The following DNHD1 variants were observed in gnomAD, a reference collection of about 807,000 sequenced individuals.
DNHD1 encodes the protein dynein heavy chain domain 1, also known as dynein heavy chain domain-containing protein 1.
Under a neutral mutation model 458.1 loss-of-function variants are expected in DNHD1, and 383 were observed. That is an observed-to-expected ratio of 0.84 (90% CI 0.77 to 0.91). The LOEUF is 0.91. DNHD1 is among the 40% of genes least tolerant of loss of function. The pLI is 0.00. For missense variants in DNHD1, 5,336 were observed against 5,866.1 expected (o/e 0.91, Z 2.95); for synonymous variants, 2,203 against 2,376.9 (o/e 0.93, Z 2.13).
chr11:6,547,827 C>T lies in DNHD1; in HGVS notation c.6728-36C>T, dbSNP rs563619313. On this transcript the variant is annotated intron_variant, in intron 21 of 42. Transcript: ENST00000254579. ...TTCTTTCACCTTCCACCTTTTTCTA[C>T]TGGGGCTCCTCTCGTGGCCATGGCA... is the stretch of plus-strand genomic sequence containing the variant. The T allele has an allele frequency of 3.9e-6, 6 of 1,548,316 alleles. 1 individual carries two copies. The African/African-American group carries it at 8.2e-5, about 21-fold the overall frequency.
At chr11:6,561,039 C>G (rs547551628) in intron 28 of DNHD1, among the ~76,000 whole-genome samples, 1 of 152,216 alleles carries the variant, frequency 6.6e-6, no homozygotes, top group South Asian at 2.1e-4. Flanking sequence ...GTTAGGGAGA[C>G]TTCCCTAACC....
intron 12 of DNHD1, among the ~76,000 whole-genome samples, chr11:6,532,677 C>T (rs550767269): frequency 1.7e-4 from 26 of 152,150 alleles, no homozygotes; most frequent in Non-Finnish European, 3.1e-4. Flanking sequence ...GGATACCCCC[C>T]GGCACCCCCA....
intron 33 of DNHD1, 98 bp downstream of exon 33, chr11:6,566,089 C>A: frequency 6.9e-7 from 1 of 1,457,050 alleles, no homozygotes. Context: ...CAGTTCCCAT[C>A]CTTCATCCCA....
At chr11:6,509,731 G>A (rs967426183) in intron 6 of DNHD1, among the ~76,000 whole-genome samples, 21 of 151,814 alleles carry the variant, frequency 1.4e-4, no homozygotes, top group Non-Finnish European at 5.9e-5. Context: ...GAAAAGGTTG[G>A]TTATTCCTAT....
chr11:6,566,243 C>T lies in DNHD1; in HGVS notation c.11056C>T (p.Leu3686=), dbSNP rs1853693006. Reference sequence around the variant, plus strand: ...GTGCCTTTGCCTCCCTCTCACAGGCCTGCCTGTGTTACTGACCAATGTGGA... The same window carrying T: ...GTGCCTTTGCCTCCCTCTCACAGGCTTGCCTGTGTTACTGACCAATGTGGA... ...SQLQEAAACG[L]PVLLTNVELG... is the part of the protein sequence containing the mutation. The change falls in exon 34 of 43, where the codon CTG becomes TTG. Residue 3686 remains leucine (L), a splice_region_variant and synonymous_variant. Transcript: ENST00000254579. 4 of 1,551,440 alleles carry T rather than the reference C, an allele frequency of 2.6e-6. No homozygotes were observed. The highest frequency in any genetic ancestry group is 3.5e-6 in the Non-Finnish European group (4 of 1,146,844).
Position 6,547,344 on chromosome 11 carries a change from C to T in DNHD1, c.6405C>T (p.Ser2135=). The T allele has an allele frequency of 1.3e-6, 2 of 1,551,788 alleles. No individual in the cohort carries two copies. Among genetic ancestry groups the T allele is most frequent in the East Asian group, 2.4e-5 (1 of 40,920 alleles). The change falls in exon 21 of 43, where the codon TCC becomes TCT. Residue 2135 remains serine, a synonymous_variant. Transcript: ENST00000254579. ...AGGTGGCTGACACAACAGGCATATC[C>T]CCCACAGTGGTAGGCTGTTGTGCCC... is the stretch of plus-strand genomic sequence containing the variant. The part of the protein sequence containing the change: ...LMEVADTTGI[S]PTVVGCCALV...
chr11:6,556,755 G>A lies in DNHD1; in HGVS notation c.7460G>A (p.Ser2487Asn). 1 of 1,551,616 alleles carries A rather than the reference G, an allele frequency of 6.4e-7. No homozygotes were observed. The highest frequency in any genetic ancestry group is 8.7e-7 in the Non-Finnish European group (1 of 1,146,932). Reference sequence around the variant, plus strand: ...ATGGATGGCACTGTGTATGCCCACAGCACCTTGGAACTGCAGACGCTGCAG... The same window carrying A: ...ATGGATGGCACTGTGTATGCCCACAACACCTTGGAACTGCAGACGCTGCAG... ...QAMDGTVYAH[S>N]TLELQTLQPT... Residue 2487 changes from serine (S) to asparagine (N), a missense_variant, in exon 25 of 43, where the codon AGC becomes AAC. Around this residue, in one of 4 missense-constraint regions of DNHD1, gnomAD observed 3,932 missense variants for 4,365.6 expected, o/e 0.90. Coordinates refer to ENST00000254579, the MANE Select transcript of DNHD1 (RefSeq NM_144666.3).
At chr11:6,524,045 G>A (rs1471996848) in intron 10 of DNHD1, among the ~76,000 whole-genome samples, 1 of 152,196 alleles carries the variant, frequency 6.6e-6, no homozygotes, top group African/African-American at 2.4e-5. Flanking sequence ...CCTTGGCTAT[G>A]AAGTTAGTGA....
intron 10 of DNHD1, 182 bp downstream of exon 10, chr11:6,520,471 T>C: frequency 1.4e-6 from 2 of 1,444,314 alleles, no homozygotes; most frequent in East Asian, 5.0e-5. Context: ...GGGAATGTTT[T>C]TGCTCACAAA....
chr11:6,521,205 A>G (rs1393587153), intron 10 of DNHD1, among the ~76,000 whole-genome samples: 1 of 152,250 alleles, frequency 6.6e-6, no homozygotes, highest in Non-Finnish European at 1.5e-5. Context: ...TAAAAGAGAT[A>G]ATATGTCTAG....
At position 6,546,821 on chromosome 11, in the gene DNHD1, A is replaced by C. The variant is rs1461774941; in HGVS notation, c.5882A>C (p.Gln1961Pro). Residue 1961 changes from glutamine to proline, a missense_variant, in exon 21 of 43, where the codon CAA (glutamine) becomes CCA (proline). Gln to Pro is a moderately conservative substitution (Grantham distance 76, BLOSUM62 -1). Transcript: ENST00000254579. ...AAGCCATTGGTGGTGGAGGAACTGC[A>C]ACAGGTAGGTCTGGATCCCAGCCCT... ...LMKPLVVEELQQVGLDPSPDI... is the reference protein window; with the variant it reads ...LMKPLVVEELPQVGLDPSPDI... The C allele has an allele frequency of 1.3e-6, 2 of 1,551,750 alleles. No homozygotes were observed. The highest frequency in any genetic ancestry group is 1.7e-6 in the Non-Finnish European group (2 of 1,147,036).
chr11:6,558,540 C>A lies in DNHD1; in HGVS notation c.9058C>A (p.Gln3020Lys), dbSNP rs917207988. Reference sequence around the variant, plus strand: ...CCTGTTCTTCCTGATTGGAGATAAACAGGCCCACAAGCAGCTGCCCTCCAC... The same window carrying A: ...CCTGTTCTTCCTGATTGGAGATAAAAAGGCCCACAAGCAGCTGCCCTCCAC... ...LHLFFLIGDK[Q>K]AHKQLPSTLF... The change falls in exon 26 of 43, where the codon CAG becomes AAG. Residue 3020 changes from glutamine (Q) to lysine (K), a missense_variant. By Grantham distance (53) the Gln-to-Lys change is moderately conservative. Transcript: ENST00000254579. The A allele has an allele frequency of 2.6e-6, 4 of 1,551,614 alleles. No individual in the cohort carries two copies. Among genetic ancestry groups the A allele is most frequent in the Non-Finnish European group, 3.5e-6 (4 of 1,147,008 alleles).
At position 6,564,363 on chromosome 11, in the gene DNHD1, G is replaced by C; in HGVS notation, c.10315G>C (p.Gly3439Arg). ...KLKGRCMTVF[G>R]DTLLCSAAII... The stretch of plus-strand genomic sequence containing the variant: ...GAAGGGACGCTGCATGACTGTGTTT[G>C]GAGATACCCTCCTATGTTCAGCTGC... Residue 3439 changes from glycine (G) to arginine (R), a missense_variant, in exon 32 of 43, where the codon GGA (glycine) becomes CGA (arginine). Coordinates refer to ENST00000254579, the MANE Select transcript of DNHD1 (RefSeq NM_144666.3). 1 of 1,548,414 alleles carries C rather than the reference G, an allele frequency of 6.5e-7. No individual in the cohort carries two copies. Among genetic ancestry groups the C allele is most frequent in the South Asian group, 1.2e-5 (1 of 83,814 alleles).
In DNHD1 at chr11:6,570,337, G is replaced by A; in HGVS notation, c.13046G>A (p.Gly4349Glu). ...CAAGCCTGCCTGAGCCCCAGTAGTG[G>A]GAGCTGGGTCCAGCCACACACACCT... ...LTQACLSPSS[G>E]SWVQPHTPQS... The change falls in exon 41 of 43, where the codon GGG becomes GAG. Residue 4349 changes from glycine (G) to glutamate (E), a missense_variant. Gly to Glu is a moderately conservative substitution (Grantham distance 98). Coordinates refer to ENST00000254579, the MANE Select transcript of DNHD1 (RefSeq NM_144666.3). 6.2e-7 allele frequency: 1 copy of A among 1,612,718 alleles called. No individual in the cohort carries two copies. Among genetic ancestry groups the A allele is most frequent in the Non-Finnish European group, 8.5e-7 (1 of 1,179,394 alleles).
Position 6,557,495 on chromosome 11 carries a change from T to A in DNHD1, c.8200T>A (p.Tyr2734Asn), listed in dbSNP as rs1237481130. Residue 2734 changes from tyrosine (Y) to asparagine (N), a missense_variant, in exon 25 of 43, where the codon TAT becomes AAT. Physicochemically the swap from Tyr to Asn is moderately radical, Grantham distance 143. This residue lies in a region of DNHD1 where 3,932 missense variants were observed against 4,365.6 expected (regional missense o/e 0.90). Coordinates refer to ENST00000254579, the MANE Select transcript of DNHD1 (RefSeq NM_144666.3). Reference sequence around the variant, plus strand: ...TGAAACAGAGGAGGAAGAGGAACCTTATGGCCTTCAGGTCGCCAGAGTCTC... The same window carrying A: ...TGAAACAGAGGAGGAAGAGGAACCTAATGGCCTTCAGGTCGCCAGAGTCTC... ...NSETEEEEEP[Y>N]GLQVARVSNS... 1.3e-6 allele frequency: 2 copies of A among 1,551,658 alleles called. No individual in the cohort carries two copies. Among genetic ancestry groups the A allele is most frequent in the South Asian group, 2.4e-5 (2 of 84,058 alleles).
rs1177639353 is a variant in DNHD1 at position 6,545,698 on chromosome 11, C to CT, written c.4760dup (p.Leu1588AlafsTer8). The CT allele has an allele frequency of 4.5e-6, 7 of 1,551,602 alleles. No homozygotes were observed. The highest frequency in any genetic ancestry group is 6.1e-6 in the Non-Finnish European group (7 of 1,147,022). ...AGTGACTCACCGGGATATAGCACAG[C>CT]TGCTGGAACAGCACCAGGTCAGTGA... On this transcript the variant is annotated frameshift_variant, in exon 21 of 43. Coordinates refer to ENST00000254579, the MANE Select transcript of DNHD1 (RefSeq NM_144666.3). This position sits in a 1 kb window ranked among gnomAD's most constrained non-coding sequence, Gnocchi z 4.9.
Position 6,509,149 on chromosome 11 carries a change from C to T in DNHD1, c.1125-13C>T, listed in dbSNP as rs1162938745. 1 of 1,614,026 alleles carries T rather than the reference C, an allele frequency of 6.2e-7. No individual in the cohort carries two copies. The highest frequency in any genetic ancestry group is 1.1e-5 in the South Asian group (1 of 91,062). On this transcript the variant is annotated splice_polypyrimidine_tract_variant and intron_variant, in intron 5 of 42. Transcript: ENST00000254579. The stretch of plus-strand genomic sequence containing the variant: ...ACAGCAACAGTATATTATCACTGAC[C>T]TCTAATTTCTAGTTGGAAGAAGAAT...
At chr11:6,511,946 G>T (rs1852341805) in intron 7 of DNHD1, among the ~76,000 whole-genome samples, 1 of 152,158 alleles carries the variant, frequency 6.6e-6, no homozygotes, top group African/African-American at 2.4e-5. Context: ...TATTATCATG[G>T]TTTGTTGTCA....
At chr11:6,509,592 T>C (rs1433066313) in intron 6 of DNHD1, among the ~76,000 whole-genome samples, 1 of 152,226 alleles carries the variant, frequency 6.6e-6, no homozygotes, top group East Asian at 1.9e-4. Flanking sequence ...CAGGTAATTA[T>C]ATATCTTAAA....
Sources: allele counts gnomAD v4.1 joint callset (sites outside exome capture counted in the v4.1 genomes callset), GRCh38; gene constraint gnomAD v4.1.1; regional missense constraint gnomAD v4.1.1; non-coding constraint Gnocchi (gnomAD v3.1); transcripts MANE v1.5; gene names NCBI Gene and HGNC (gene_info 2026-07-23, HGNC 2026-07-21).